UPF2: variants seen among roughly 807,000 people sequenced by gnomAD.
UPF2 encodes UPF2 regulator of nonsense mediated mRNA decay.
A neutral mutation model predicts 141.4 loss-of-function variants in UPF2; 17 were observed. The observed-to-expected ratio is 0.12, with a 90% CI of 0.08 to 0.18. The LOEUF is 0.18. UPF2 is among the 10% of genes least tolerant of loss of function. UPF2 has a pLI of 1.00. For missense variants in UPF2, 1,152 were observed against 1,515.9 expected (o/e 0.76, Z 3.99); for synonymous variants, 540 against 498.0 (o/e 1.08, Z -1.12).
chr10:12,010,105 G>A (rs1834102130), intron 4 of UPF2, among the ~76,000 whole-genome samples: 1 of 152,132 alleles, frequency 6.6e-6, no homozygotes, highest in South Asian at 2.1e-4. Flanking sequence ...AGGCTGCTCT[G>A]GTACCTCCTA....
intron 11 of UPF2, 77 bp downstream of exon 11, chr10:11,963,932 C>T: frequency 1.0e-6 from 1 of 997,554 alleles, no homozygotes; most frequent in Non-Finnish European, 1.5e-6. Flanking sequence ...ATAACCAGCA[C>T]TGGTCAATAT....
chr10:11,950,965 G>A (rs758678814), intron 15 of UPF2, among the ~76,000 whole-genome samples: 9 of 152,176 alleles, frequency 5.9e-5, no homozygotes, highest in East Asian at 1.9e-4. Context: ...CATAACTGGC[G>A]AAAGTAAAGA....
intron 21 of UPF2, among the ~76,000 whole-genome samples, chr10:11,929,021 C>A (rs539271057): frequency 6.6e-6 from 1 of 151,866 alleles, no homozygotes; most frequent in South Asian, 2.1e-4. Flanking sequence ...CGGTGGCATG[C>A]CCTATTGTCC....
intron 16 of UPF2, among the ~76,000 whole-genome samples, chr10:11,945,309 T>G (rs1349181101): frequency 6.6e-6 from 1 of 152,248 alleles, no homozygotes; most frequent in African/African-American, 2.4e-5. Flanking sequence ...ACACAGCATT[T>G]GTTTTTAAGA....
chr10:11,929,933 C>A lies in UPF2; in HGVS notation c.3741G>T (p.Glu1247Asp), dbSNP rs764925017. 14 of 1,614,106 alleles carry A rather than the reference C, an allele frequency of 8.7e-6. No homozygotes were observed. Among genetic ancestry groups the A allele is most frequent in the Non-Finnish European group, 1.2e-5 (14 of 1,180,050 alleles). ...TCGGATGTTGGTAGCGAGGCCGCCT[C>A]TCACGATTGGTGTTTGCTGGAGCTG... ...QRPAPANTNR[E>D]RRPRYQHPKG... Residue 1247 changes from glutamate to aspartate, a missense_variant, in exon 21 of 22, where the codon GAG becomes GAT. Glu to Asp is a conservative substitution (Grantham distance 45). Coordinates refer to ENST00000357604, the MANE Select transcript of UPF2 (RefSeq NM_015542.4).
At chr10:11,978,519 T>C (rs1247187542) in intron 9 of UPF2, among the ~76,000 whole-genome samples, 1 of 152,164 alleles carries the variant, frequency 6.6e-6, no homozygotes, top group African/African-American at 2.4e-5. Context: ...AGCCATCTGG[T>C]AACAGGCCCC....
chr10:11,942,727 G>T lies in UPF2; in HGVS notation c.3316C>A (p.Pro1106Thr), dbSNP rs200725657. 2.4e-4 allele frequency: 389 copies of T among 1,613,778 alleles called. 1 individual carries two copies. Among genetic ancestry groups the T allele is most frequent in the Non-Finnish European group, 3.2e-4 (382 of 1,179,932 alleles). ...MIKGGGLKHV[P>T]CVEDEDFIQA... ...ATGAAGTCCTCATCTTCTACACAAG[G>T]TACATGCTTAAGTCCACCGCCTTTA... The change falls in exon 18 of 22, where the codon CCT becomes ACT. Residue 1106 changes from proline to threonine, a missense_variant. This residue lies in a region of UPF2 where 202 missense variants were observed against 223.6 expected (regional missense o/e 0.90). Coordinates refer to ENST00000357604, the MANE Select transcript of UPF2 (RefSeq NM_015542.4).
chr10:12,002,933 C>T (rs2131268599), intron 5 of UPF2, among the ~76,000 whole-genome samples: 1 of 152,290 alleles, frequency 6.6e-6, no homozygotes, highest in African/African-American at 2.4e-5. Context: ...TATTTCTCAG[C>T]TTCATCTCTT....
chr10:11,932,152 TAA>T (rs58896069), intron 19 of UPF2, among the ~76,000 whole-genome samples: 1 of 143,198 alleles, frequency 7.0e-6, no homozygotes. Context: ...CCAACTCAAT[TAA>T]AAAAAAAAAA....
chr10:11,984,193 T>C (rs1351485137), intron 8 of UPF2, among the ~76,000 whole-genome samples: 1 of 152,228 alleles, frequency 6.6e-6, no homozygotes, highest in Non-Finnish European at 1.5e-5. Flanking sequence ...AGTGCTGGGA[T>C]TACAGGCGTG....
At chr10:11,945,876 G>C (rs1182898403) in intron 16 of UPF2, among the ~76,000 whole-genome samples, 2 of 152,012 alleles carry the variant, frequency 1.3e-5, no homozygotes, top group Non-Finnish European at 2.9e-5. Context: ...AATGGAAATA[G>C]TTTCTCATTT....
At position 11,929,954 on chromosome 10, in the gene UPF2, A is replaced by G. The variant is rs1641897495; in HGVS notation, c.3720T>C (p.Ala1240=). 3 of 1,614,214 alleles carry G rather than the reference A, an allele frequency of 1.9e-6. No individual in the cohort carries two copies. The highest frequency in any genetic ancestry group is 1.7e-6 in the Non-Finnish European group (2 of 1,180,042). Residue 1240 remains alanine, a synonymous_variant, in exon 21 of 22, where the codon GCT becomes GCC. Transcript: ENST00000357604. ...GCCTCTCACGATTGGTGTTTGCTGG[A>G]GCTGGGCGCTGTGCAAGAGACTGCA... is the stretch of plus-strand genomic sequence containing the variant. ...EMLQSLAQRP[A]PANTNRERRP...
In UPF2 at chr10:11,953,194, C is replaced by T. The variant is rs757612836; in HGVS notation, c.2851-945G>A. 6.6e-6 allele frequency among the ~76,000 whole-genome samples: 1 copy of T among 152,056 alleles called. No individual in the cohort carries two copies. The highest frequency in any genetic ancestry group is 1.5e-5 in the Non-Finnish European group (1 of 68,008). The stretch of plus-strand genomic sequence containing the variant: ...TTTACTAGTATATGAACAGGTATTC[C>T]TCTGGGAGTTTTACTCTTCCTCTCC... On this transcript the variant is annotated intron_variant, in intron 14 of 21. Transcript: ENST00000357604. The surrounding 1 kb of genome is among the most constrained non-coding windows in gnomAD (Gnocchi z 5.0).
Position 11,992,271 on chromosome 10 carries a change from G to C in UPF2, c.1844+5401C>G, listed in dbSNP as rs1332125189. Reference sequence around the variant, plus strand: ...ATAAGTGAGGGGGGATGGAAAAGCAGACAGGAAGTCAGGTGTGCCGCTTGC... The same window carrying C: ...ATAAGTGAGGGGGGATGGAAAAGCACACAGGAAGTCAGGTGTGCCGCTTGC... On this transcript the variant is annotated intron_variant, in intron 8 of 21. Transcript: ENST00000357604. The surrounding 1 kb of genome is among the most constrained non-coding windows in gnomAD (Gnocchi z 4.1). Among the ~76,000 whole-genome samples the C allele has an allele frequency of 6.6e-6, 1 of 152,168 alleles. No individual in the cohort carries two copies. Among genetic ancestry groups the C allele is most frequent in the Admixed American group, 6.5e-5 (1 of 15,282 alleles).
chr10:12,020,007 G>A (rs1179501424), intron 3 of UPF2, among the ~76,000 whole-genome samples: 2 of 152,116 alleles, frequency 1.3e-5, no homozygotes, highest in East Asian at 1.9e-4. Context: ...TTACAGGCAT[G>A]AGCCACCACG....
intron 10 of UPF2, among the ~76,000 whole-genome samples, chr10:11,965,169 A>G (rs1171286664): frequency 2.0e-5 from 3 of 152,218 alleles, no homozygotes; most frequent in Non-Finnish European, 4.4e-5. Context: ...ATCTGTGGAC[A>G]TATTTATGAT....
chr10:12,021,773 GA>G (rs1834321625), intron 3 of UPF2, among the ~76,000 whole-genome samples: 1 of 152,072 alleles, frequency 6.6e-6, no homozygotes, highest in Admixed American at 6.6e-5. Flanking sequence ...TCATGAAGAA[GA>G]CCCCAGAAAA....
In UPF2 at chr10:11,940,374, G is replaced by T. The variant is rs1832921837; in HGVS notation, c.3378+2291C>A. 6.6e-6 allele frequency among the ~76,000 whole-genome samples: 1 copy of T among 152,004 alleles called. No individual in the cohort carries two copies. The highest frequency in any genetic ancestry group is 2.1e-4 in the South Asian group (1 of 4,814). ...AATCCTGACCCTGCTTCTCTTCTCT[G>T]TCCACACTTTACACCGGGGATGAAT... On this transcript the variant is annotated intron_variant, in intron 18 of 21. Coordinates refer to ENST00000357604, the MANE Select transcript of UPF2 (RefSeq NM_015542.4). This position sits in a 1 kb window ranked among gnomAD's most constrained non-coding sequence, Gnocchi z 4.2.
chr10:11,961,139 T>C lies in UPF2; in HGVS notation c.2185-1783A>G, dbSNP rs950392298. 3.3e-5 allele frequency among the ~76,000 whole-genome samples: 5 copies of C among 151,238 alleles called. No individual in the cohort carries two copies. In the South Asian group the frequency reaches 6.3e-4, roughly 19 times the overall value. On this transcript the variant is annotated intron_variant, in intron 11 of 21. Coordinates refer to ENST00000357604, the MANE Select transcript of UPF2 (RefSeq NM_015542.4). ...TGGTACTTATTAGTGTTATGCACTA[T>C]GGCAGGTGCGGGAAACTCACCAGTG...
Sources: gnomAD v4.1 joint callset for allele counts (sites outside exome capture counted in the v4.1 genomes callset) on GRCh38, gnomAD v4.1.1 for gene constraint, gnomAD v4.1.1 regional missense constraint, Gnocchi (gnomAD v3.1) non-coding constraint, MANE v1.5 for transcripts, NCBI Gene and HGNC (gene_info 2026-07-23, HGNC 2026-07-21) for gene names.